ATP10B: variants seen among roughly 807,000 people sequenced by gnomAD.
The protein encoded by ATP10B is ATPase phospholipid transporting 10B (putative).
Under a neutral mutation model 141.2 loss-of-function variants are expected in ATP10B, and 122 were observed. The ratio of observed to expected loss-of-function variants is 0.86; its 90% CI spans 0.75 to 1.00. ATP10B has a LOEUF of 1.00. Among genes scored for constraint, ATP10B ranks in the 50% least tolerant of loss-of-function variants. ATP10B has a pLI of 0.00. For synonymous variants in ATP10B, 685 were observed against 692.0 expected (o/e 0.99, Z 0.16); for missense variants, 1,876 against 1,825.3 (o/e 1.03, Z -0.51).
the ATP10B span, among the ~76,000 whole-genome samples, chr5:160,917,000 G>A: frequency 1.2e-3 from 187 of 152,306 alleles, no homozygotes; most frequent in African/African-American, 4.1e-3. Context: ...GCAAGTGTAC[G>A]TGTGTGCAAA....
chr5:160,925,605 A>G, the ATP10B span, among the ~76,000 whole-genome samples: 303 of 152,342 alleles, frequency 2.0e-3, 1 homozygote, highest in African/African-American at 7.0e-3. Context: ...TTTGACTATC[A>G]TGCTTATGTT....
chr5:160,812,746 C>T (rs1464862948), intron 1 of ATP10B, among the ~76,000 whole-genome samples: 1 of 152,110 alleles, frequency 6.6e-6, no homozygotes, highest in Non-Finnish European at 1.5e-5. Context: ...GAATAAAGCA[C>T]ACCTACAGGA....
At chr5:160,813,609 C>T (rs1163192574) in intron 1 of ATP10B, among the ~76,000 whole-genome samples, 1 of 152,160 alleles carries the variant, frequency 6.6e-6, no homozygotes, top group African/African-American at 2.4e-5. Context: ...CTTAAATGTC[C>T]CTGTCTGACA....
At chr5:160,782,436 C>A (rs1180859460) in intron 2 of ATP10B, among the ~76,000 whole-genome samples, 5 of 107,102 alleles carry the variant, frequency 4.7e-5, no homozygotes, top group African/African-American at 1.8e-4. Context: ...TTTCTTCCTC[C>A]ATACACACAC....
At chr5:160,673,533 GTT>G (rs34256429) in intron 6 of ATP10B, among the ~76,000 whole-genome samples, 33,261 of 150,108 alleles carry the variant, frequency 0.22, 4,577 homozygotes, top group East Asian at 0.39. Context: ...ATTTTGTTTT[GTT>G]TTTTTTTTTT....
chr5:160,753,586 G>T (rs1451243423), intron 2 of ATP10B, among the ~76,000 whole-genome samples: 3 of 152,154 alleles, frequency 2.0e-5, no homozygotes, highest in Non-Finnish European at 4.4e-5. Flanking sequence ...TTCTTAAGGG[G>T]CTGCAGGAGG....
intron 1 of ATP10B, among the ~76,000 whole-genome samples, chr5:160,793,385 C>T (rs1441658610): frequency 6.6e-6 from 1 of 152,148 alleles, no homozygotes; most frequent in Non-Finnish European, 1.5e-5. Flanking sequence ...GCAAGTAATG[C>T]AGCTTAAGCG....
intron 6 of ATP10B, among the ~76,000 whole-genome samples, chr5:160,684,641 T>C (rs1479883178): frequency 3.9e-5 from 6 of 152,204 alleles, no homozygotes; most frequent in African/African-American, 1.4e-4. Flanking sequence ...CCTCCTAATT[T>C]TAAAAGACTG....
chr5:160,830,810 A>G (rs768583933), intron 1 of ATP10B, among the ~76,000 whole-genome samples: 5 of 152,102 alleles, frequency 3.3e-5, no homozygotes, highest in African/African-American at 7.2e-5. Context: ...GACAAGTGAA[A>G]ATTTTACCTG....
rs745351582 is a variant in ATP10B at position 160,569,620 on chromosome 5, A to G, written c.3814T>C (p.Tyr1272His). The G allele has an allele frequency of 1.9e-6, 3 of 1,611,836 alleles. No individual in the cohort carries two copies. Among genetic ancestry groups the G allele is most frequent in the Non-Finnish European group, 2.5e-6 (3 of 1,179,124 alleles). Residue 1272 changes from tyrosine (Y) to histidine (H), a missense_variant, in exon 25 of 26, where the codon TAC (tyrosine) becomes CAC (histidine). Transcript: ENST00000327245. Reference protein sequence around the residue: ...FLMYFLVSLLYNATCVICNSP... With the variant: ...FLMYFLVSLLHNATCVICNSP... Reference sequence around the variant, plus strand: ...TTGCAGATGACGCAGGTGGCATTGTACAGGAGGGATACCAGAAAGTACATC... The same window carrying G: ...TTGCAGATGACGCAGGTGGCATTGTGCAGGAGGGATACCAGAAAGTACATC...
At chr5:160,919,596 G>A in the ATP10B span, among the ~76,000 whole-genome samples, 1 of 152,184 alleles carries the variant, frequency 6.6e-6, no homozygotes, top group African/African-American at 2.4e-5. Flanking sequence ...GTTCAGATTT[G>A]TATTTTGAAA....
At chr5:160,810,786 T>TA (rs1773101521) in intron 1 of ATP10B, among the ~76,000 whole-genome samples, 2 of 152,228 alleles carry the variant, frequency 1.3e-5, no homozygotes, top group African/African-American at 4.8e-5. Flanking sequence ...ATCAGAGTTG[T>TA]AAGCCTCCTT....
At chr5:160,593,364 G>A (rs972106113) in intron 22 of ATP10B, among the ~76,000 whole-genome samples, 28 of 152,208 alleles carry the variant, frequency 1.8e-4, no homozygotes, top group African/African-American at 6.5e-4. Context: ...GATCCTGTCT[G>A]TTAGAAGGAA....
chr5:160,679,857 A>C (rs2127737300), intron 6 of ATP10B, among the ~76,000 whole-genome samples: 1 of 152,312 alleles, frequency 6.6e-6, no homozygotes, highest in South Asian at 2.1e-4. Flanking sequence ...AATACAAATA[A>C]AAATTTACTA....
chr5:160,770,184 C>CT (rs1247434761), intron 2 of ATP10B, among the ~76,000 whole-genome samples: 2 of 151,928 alleles, frequency 1.3e-5, no homozygotes, highest in Non-Finnish European at 2.9e-5. Context: ...CTCTGTCCCT[C>CT]TCTATCCTCT....
At chr5:160,861,213 A>C in the ATP10B span, among the ~76,000 whole-genome samples, 2 of 151,828 alleles carry the variant, frequency 1.3e-5, no homozygotes, top group Admixed American at 1.3e-4. Context: ...TTTCCAGTTA[A>C]TCAAAAGGTG....
intron 3 of ATP10B, chr5:160,691,918 T>C (rs1188507958): frequency 6.6e-6 from 1 of 152,232 alleles, no homozygotes; most frequent in Non-Finnish European, 1.5e-5. Context: ...TGTATCTTCT[T>C]TGCTATTATA....
intron 2 of ATP10B, among the ~76,000 whole-genome samples, chr5:160,733,962 G>A (rs1387708195): frequency 6.6e-6 from 1 of 151,132 alleles, no homozygotes; most frequent in African/African-American, 2.4e-5. Flanking sequence ...AAATTAGATG[G>A]GCACCACCGG....
chr5:160,716,034 T>G (rs761106617), intron 3 of ATP10B, among the ~76,000 whole-genome samples: 1 of 152,140 alleles, frequency 6.6e-6, no homozygotes, highest in African/African-American at 2.4e-5. Flanking sequence ...TAAGCCGTGT[T>G]GAAAGTGCAC....
Sources: allele counts gnomAD v4.1 joint callset (sites outside exome capture counted in the v4.1 genomes callset), GRCh38; gene constraint gnomAD v4.1.1; transcripts MANE v1.5; gene names NCBI Gene and HGNC (gene_info 2026-07-23, HGNC 2026-07-21).